Variants in MDGA2 observed in about 807,000 individuals in gnomAD.
MDGA2 encodes the protein MAM domain-containing glycosylphosphatidylinositol anchor protein 2.
MDGA2 carries 40 observed loss-of-function variants against 117.8 expected under a neutral mutation model. The ratio of observed to expected loss-of-function variants is 0.34; its 90% CI spans 0.26 to 0.44. The LOEUF is 0.44. Among genes scored for constraint, MDGA2 ranks in the 20% least tolerant of loss-of-function variants. MDGA2 has a pLI of 1.00. For missense variants in MDGA2, 1,123 were observed against 1,250.6 expected, an observed-to-expected ratio of 0.90 and a Z score of 1.54; for synonymous variants, 452 against 439.0, an observed-to-expected ratio of 1.03 and a Z score of -0.37.
chr14:47,324,838 GAGAGAGAGAGAGAGAA>G (rs1478378574), intron 1 of MDGA2, among the ~76,000 whole-genome samples: 3 of 149,278 alleles, frequency 2.0e-5, no homozygotes, highest in Non-Finnish European at 4.5e-5. Flanking sequence ...TGTATACACA[GAGAGAGAGAGAGAGAA>G]AGAGAGAGAG....
At chr14:47,491,484 C>A (rs987196759) in intron 1 of MDGA2, among the ~76,000 whole-genome samples, 2 of 151,986 alleles carry the variant, frequency 1.3e-5, no homozygotes, top group African/African-American at 2.4e-5. Context: ...AATGCCTATA[C>A]GAAGGAAAGA....
intron 14 of MDGA2, chr14:46,871,538 A>G (rs947562356): frequency 4.6e-5 from 7 of 151,996 alleles, no homozygotes; most frequent in Non-Finnish European, 1.0e-4. Flanking sequence ...AATAATCCAC[A>G]AAGTATCCTA....
At chr14:47,144,320 G>T in intron 3 of MDGA2, 46 bp from the exon 4 acceptor site, 1 of 1,442,792 alleles carries the variant, frequency 6.9e-7, no homozygotes, top group Non-Finnish European at 9.4e-7. Context: ...TGAGATAGAT[G>T]ACTTTTAAAG....
At chr14:47,315,949 A>G (rs911261279) in intron 1 of MDGA2, among the ~76,000 whole-genome samples, 4 of 151,270 alleles carry the variant, frequency 2.6e-5, no homozygotes, top group African/African-American at 7.3e-5. Context: ...AACAAAAAAC[A>G]AACAAAAAAA....
intron 9 of MDGA2, among the ~76,000 whole-genome samples, chr14:46,952,128 A>C (rs1192431798): frequency 6.6e-6 from 1 of 151,932 alleles, no homozygotes; most frequent in East Asian, 1.9e-4. Flanking sequence ...TCAATAAAGG[A>C]AACTTAAATA....
rs187056108 is a variant in MDGA2, at chr14:47,629,543, G to C, written c.280+44974C>G. ...TCTTCCATATAAAGGCATTGGTTCA[G>C]AGAGTAAGTACTGGAGAATGAAGTT... On this transcript the variant is annotated intron_variant, in intron 1 of 16. Coordinates refer to ENST00000399232, the MANE Select transcript of MDGA2 (RefSeq NM_001113498.3). 1.6e-4 allele frequency among the ~76,000 whole-genome samples: 24 copies of C among 152,282 alleles called. No individual in the cohort carries two copies. In the East Asian group the frequency reaches 4.1e-3, roughly 26 times the overall value.
intron 1 of MDGA2, among the ~76,000 whole-genome samples, chr14:47,632,882 T>C (rs977576145): frequency 1.3e-5 from 2 of 152,184 alleles, no homozygotes; most frequent in Non-Finnish European, 2.9e-5. Flanking sequence ...GGCCTGTGTT[T>C]GAACTGGGAC....
At chr14:47,484,865 C>A (rs574082483) in intron 1 of MDGA2, among the ~76,000 whole-genome samples, 1 of 152,244 alleles carries the variant, frequency 6.6e-6, no homozygotes, top group South Asian at 2.1e-4. Context: ...TCCTTGCCTT[C>A]CATAATGATT....
At chr14:47,573,832 A>G (rs1184877380) in intron 1 of MDGA2, among the ~76,000 whole-genome samples, 1 of 152,344 alleles carries the variant, frequency 6.6e-6, no homozygotes, top group African/African-American at 2.4e-5. Context: ...TATTTTAAAA[A>G]TTAAGAAGTG....
chr14:46,936,584 T>G (rs1409934922), intron 9 of MDGA2, among the ~76,000 whole-genome samples: 1 of 152,070 alleles, frequency 6.6e-6, no homozygotes, highest in Non-Finnish European at 1.5e-5. Flanking sequence ...CTCTGTAATA[T>G]CAGATACTGA....
chr14:47,087,285 C>T (rs919675529), intron 6 of MDGA2, among the ~76,000 whole-genome samples: 1 of 151,494 alleles, frequency 6.6e-6, no homozygotes, highest in African/African-American at 2.4e-5. Context: ...GAGGCCTAGG[C>T]AGGTGGATCA....
intron 5 of MDGA2, among the ~76,000 whole-genome samples, chr14:47,105,272 C>T (rs180748437): frequency 1.8e-3 from 276 of 152,190 alleles, no homozygotes; most frequent in African/African-American, 4.1e-3. Flanking sequence ...TATCTCTGTG[C>T]CCCAATCCCT....
At chr14:46,985,767 C>A (rs970251501) in intron 8 of MDGA2, among the ~76,000 whole-genome samples, 1 of 151,944 alleles carries the variant, frequency 6.6e-6, no homozygotes, top group Non-Finnish European at 1.5e-5. Context: ...AAAGCAAAGT[C>A]AAAGAACACT....
intron 2 of MDGA2, among the ~76,000 whole-genome samples, chr14:47,228,233 A>C (rs1221418694): frequency 1.3e-5 from 2 of 152,214 alleles, no homozygotes; most frequent in Non-Finnish European, 2.9e-5. Context: ...GTAGTAAAAT[A>C]GTCATTTACT....
chr14:47,314,161 CCT>C (rs1361861504), intron 1 of MDGA2, among the ~76,000 whole-genome samples: 1 of 152,086 alleles, frequency 6.6e-6, no homozygotes, highest in East Asian at 1.9e-4. Flanking sequence ...CCTTTCTGTG[CCT>C]CTGTTTCTGT....
chr14:47,453,443 G>A (rs952115678), intron 1 of MDGA2, among the ~76,000 whole-genome samples: 1 of 152,094 alleles, frequency 6.6e-6, no homozygotes, highest in African/African-American at 2.4e-5. Context: ...CTAAATCTGG[G>A]AGTGATTTGT....
At chr14:47,338,538 A>G (rs1338652878) in intron 1 of MDGA2, among the ~76,000 whole-genome samples, 2 of 152,030 alleles carry the variant, frequency 1.3e-5, no homozygotes, top group African/African-American at 2.4e-5. Flanking sequence ...TCATAACCAA[A>G]GGCAGAGTTC....
At chr14:47,046,026 A>G (rs923110735) in intron 7 of MDGA2, among the ~76,000 whole-genome samples, 28 of 150,750 alleles carry the variant, frequency 1.9e-4, no homozygotes, top group Admixed American at 3.3e-4. Flanking sequence ...GGGGGGAGGG[A>G]TAGCATTAGG....
In MDGA2 at chr14:47,119,182, C is replaced by CCCG. The variant is rs1566635343; in HGVS notation, c.925+12531_925+12532insCGG. ...TCTCCTGCCTCAGCCCCGCCCCCCC[C>CCCG]CCCCCACCCCGTAGCTGGGACTACA... On this transcript the variant is annotated intron_variant, in intron 5 of 16. Transcript: ENST00000399232. 8.5e-5 allele frequency among the ~76,000 whole-genome samples: 6 copies of CCCG among 70,722 alleles called. 1 individual carries two copies. The highest frequency in any genetic ancestry group is 1.6e-4 in the African/African-American group (4 of 24,972). The allele number at this position is 70,722 out of a possible 152,430, so 46.4% of individuals were successfully genotyped here.
Sources: gnomAD v4.1 joint callset for allele counts (sites outside exome capture counted in the v4.1 genomes callset) on GRCh38, gnomAD v4.1.1 for gene constraint, MANE v1.5 for transcripts, NCBI Gene and HGNC (gene_info 2026-07-23, HGNC 2026-07-21) for gene names.